The following PVT1 variants were observed in gnomAD, a reference collection of about 807,000 sequenced individuals.
PVT1 encodes the protein CXCR4/PVT1 fusion.
intron 4 of PVT1, among the ~76,000 whole-genome samples, chr8:128,028,750 G>A (rs865790558): frequency 6.6e-6 from 1 of 152,190 alleles, no homozygotes; most frequent in African/African-American, 2.4e-5. Flanking sequence ...TTAATATGTG[G>A]GGGATCATCA....
At chr8:127,984,946 C>G (rs1382764333) in intron 3 of PVT1, among the ~76,000 whole-genome samples, 1 of 118,652 alleles carries the variant, frequency 8.4e-6, no homozygotes, top group Non-Finnish European at 1.7e-5. Context: ...TCTTTCTTTC[C>G]CCTTCCTTCC....
chr8:128,070,500 G>A (rs1813972107), intron 5 of PVT1: 1 of 152,306 alleles, frequency 6.6e-6, no homozygotes, highest in Non-Finnish European at 1.5e-5. Context: ...CCTGGTATTG[G>A]CAGATGCATC....
intron 2 of PVT1, among the ~76,000 whole-genome samples, chr8:127,863,876 G>T (rs992177981): frequency 6.6e-6 from 1 of 152,172 alleles, no homozygotes; most frequent in Non-Finnish European, 1.5e-5. Flanking sequence ...CTTTGCTTTG[G>T]TGCCTGGATG....
Position 128,024,978 on chromosome 8 carries a change from C to T in PVT1, n.912+35687C>T, listed in dbSNP as rs181326240. Among the ~76,000 whole-genome samples the T allele has an allele frequency of 2.1e-3, 322 of 152,342 alleles. 3 individuals are homozygous for T. The highest frequency in any genetic ancestry group is 6.7e-3 in the African/African-American group (277 of 41,578). On this transcript the variant is annotated intron_variant and non_coding_transcript_variant, in intron 4 of 10. Transcript: ENST00000651587. ...CCTCTCAAAGTGTTGGGATTACAGG[C>T]GTGAGCCACTGTGCCCAGCCCCAGA...
intron 4 of PVT1, among the ~76,000 whole-genome samples, chr8:127,997,038 G>A (rs1817112632): frequency 8.7e-6 from 1 of 114,850 alleles, no homozygotes; most frequent in Admixed American, 1.1e-4. Context: ...CTGGTCATTT[G>A]CTTTCGTTTT....
intron 2 of PVT1, among the ~76,000 whole-genome samples, chr8:127,810,219 A>G (rs751952502): frequency 6.6e-6 from 1 of 152,200 alleles, no homozygotes; most frequent in Non-Finnish European, 1.5e-5. Context: ...TGCAAAGGCC[A>G]TATCTCTTCC....
At chr8:128,002,600 G>T (rs1027680992) in intron 4 of PVT1, among the ~76,000 whole-genome samples, 3 of 152,106 alleles carry the variant, frequency 2.0e-5, no homozygotes, top group Non-Finnish European at 2.9e-5. Flanking sequence ...CATCCTTGGC[G>T]CTCTTTGGCT....
chr8:127,965,719 T>C (rs997117499), intron 3 of PVT1, among the ~76,000 whole-genome samples: 14 of 152,218 alleles, frequency 9.2e-5, no homozygotes, highest in Non-Finnish European at 1.9e-4. Flanking sequence ...CATTTTGAGC[T>C]GGGTGTCCGA....
rs891408904 is a variant in PVT1, at chr8:127,990,915, G to A, written n.912+1624G>A. On this transcript the variant is annotated intron_variant and non_coding_transcript_variant, in intron 4 of 10. Coordinates refer to ENST00000651587, the Ensembl canonical transcript of PVT1. Reference sequence around the variant, plus strand: ...CTTCCTGGAGCAGGTGCTGCCTCTCGTGACTCTTGAAAGATGCTTGTGAAT... The same window carrying A: ...CTTCCTGGAGCAGGTGCTGCCTCTCATGACTCTTGAAAGATGCTTGTGAAT... Among the ~76,000 whole-genome samples, 4 of 152,274 alleles carry A rather than the reference G, an allele frequency of 2.6e-5. No homozygotes were observed. The East Asian group carries it at 5.8e-4, about 22-fold the overall frequency.
At chr8:127,973,848 T>C (rs1239215439) in intron 3 of PVT1, among the ~76,000 whole-genome samples, 5 of 151,556 alleles carry the variant, frequency 3.3e-5, no homozygotes, top group Non-Finnish European at 7.4e-5. Flanking sequence ...GGCGTGGTGG[T>C]GGATGCCTGT....
chr8:128,002,361 CTCTT>C (rs1817190174), intron 4 of PVT1, among the ~76,000 whole-genome samples: 2 of 152,198 alleles, frequency 1.3e-5, no homozygotes, highest in Non-Finnish European at 2.9e-5. Flanking sequence ...TTACATGTTA[CTCTT>C]TCTTATTCAG....
chr8:128,017,330 G>A (rs771770712), intron 4 of PVT1, among the ~76,000 whole-genome samples: 1 of 152,212 alleles, frequency 6.6e-6, no homozygotes, highest in Non-Finnish European at 1.5e-5. Context: ...AATGACCACA[G>A]AAGAACAGGT....
chr8:128,065,542 A>G (rs1324812874), intron 4 of PVT1, among the ~76,000 whole-genome samples: 1 of 151,982 alleles, frequency 6.6e-6, no homozygotes, highest in Non-Finnish European at 1.5e-5. Flanking sequence ...TTTGGTCCCT[A>G]TGTTCTCAGG....
intron 2 of PVT1, among the ~76,000 whole-genome samples, chr8:127,801,968 T>G (rs2130190107): frequency 6.6e-6 from 1 of 152,158 alleles, no homozygotes; most frequent in South Asian, 2.1e-4. Context: ...CAGCCTGGAG[T>G]GCAGTGGCAT....
At chr8:127,852,068 C>A (rs1210262429) in intron 2 of PVT1, 1 of 152,178 alleles carries the variant, frequency 6.6e-6, no homozygotes, top group Non-Finnish European at 1.5e-5. Flanking sequence ...TCTGGGTAGC[C>A]CATACCCAGG....
rs1445541339 is a variant in PVT1, at chr8:127,825,600, C to T, written n.372+29529C>T. On this transcript the variant is annotated intron_variant and non_coding_transcript_variant, in intron 2 of 10. Coordinates refer to ENST00000651587, the Ensembl canonical transcript of PVT1. ...ATCTACTTCAGAACTCTGGCTGCTA[C>T]GTGGGGTACGACCATGTTGCATTTT... 2.6e-5 allele frequency among the ~76,000 whole-genome samples: 4 copies of T among 152,206 alleles called. No homozygotes were observed. In the South Asian group the frequency reaches 6.2e-4, roughly 24 times the overall value.
At chr8:127,870,024 G>C (rs933317625) in intron 2 of PVT1, among the ~76,000 whole-genome samples, 3 of 152,082 alleles carry the variant, frequency 2.0e-5, no homozygotes, top group Non-Finnish European at 4.4e-5. Flanking sequence ...GGCTGGTCTC[G>C]AACTCCTGAC....
At chr8:127,946,495 T>C (rs1308715161) in intron 3 of PVT1, 1 of 152,180 alleles carries the variant, frequency 6.6e-6, no homozygotes, top group African/African-American at 2.4e-5. Flanking sequence ...TCTGAGAAAG[T>C]GCTGATTTCC....
chr8:128,031,434 G>A (rs1231839908), intron 4 of PVT1, among the ~76,000 whole-genome samples: 2 of 152,116 alleles, frequency 1.3e-5, no homozygotes, highest in Admixed American at 6.5e-5. Flanking sequence ...AGGGAGGCAC[G>A]GGGAGCATTT....
Sources: allele counts gnomAD v4.1 joint callset (sites outside exome capture counted in the v4.1 genomes callset), GRCh38; gene constraint gnomAD v4.1.1; transcripts MANE v1.5; gene names NCBI Gene and HGNC (gene_info 2026-07-23, HGNC 2026-07-21).